LY6S: variants seen among roughly 807,000 people sequenced by gnomAD.
The protein encoded by LY6S is lymphocyte antigen 6 family member S.
At chr8:143,049,045 C>A in the LY6S span, among the ~76,000 whole-genome samples, 1 of 152,116 alleles carries the variant, frequency 6.6e-6, no homozygotes, top group Non-Finnish European at 1.5e-5. Context: ...TGGAGACTTC[C>A]AGCGCCCGTG....
the LY6S span, among the ~76,000 whole-genome samples, chr8:143,063,719 G>A: frequency 6.6e-6 from 1 of 152,190 alleles, no homozygotes; most frequent in Non-Finnish European, 1.5e-5. Flanking sequence ...TACAGTTTCT[G>A]GGTTTAAGAC....
At chr8:143,073,804 C>T in the LY6S span, among the ~76,000 whole-genome samples, 1 of 147,660 alleles carries the variant, frequency 6.8e-6, no homozygotes, top group African/African-American at 2.5e-5. Flanking sequence ...CAGCCGTCGT[C>T]CCCGGGGTCC....
the LY6S span, chr8:143,044,036 C>G: frequency 2.3e-6 from 1 of 427,944 alleles, no homozygotes; most frequent in Non-Finnish European, 4.7e-6. Context: ...GATGCAGCTC[C>G]GAGAGCTGAG....
At chr8:143,073,598 A>T in the LY6S span, among the ~76,000 whole-genome samples, 1 of 90,542 alleles carries the variant, frequency 1.1e-5, no homozygotes, top group Non-Finnish European at 2.0e-5. Flanking sequence ...GACAGCCATC[A>T]TCCTCATGGT....
At chr8:143,064,512 T>C in the LY6S span, among the ~76,000 whole-genome samples, 1 of 152,176 alleles carries the variant, frequency 6.6e-6, no homozygotes, top group Non-Finnish European at 1.5e-5. Context: ...AGTTTTTCGA[T>C]TGCAAGCTCC....
chr8:143,057,172 C>G, the LY6S span: 2 of 349,506 alleles, frequency 5.7e-6, no homozygotes, highest in Admixed American at 3.0e-5. Flanking sequence ...TTCCAACACC[C>G]CCTTTTTTCT....
chr8:143,054,612 C>G, the LY6S span, among the ~76,000 whole-genome samples: 1 of 152,212 alleles, frequency 6.6e-6, no homozygotes, highest in Non-Finnish European at 1.5e-5. Flanking sequence ...TCCCTCCACT[C>G]TGGAAGGGAC....
At chr8:143,046,039 G>A in the LY6S span, among the ~76,000 whole-genome samples, 1 of 152,048 alleles carries the variant, frequency 6.6e-6, no homozygotes. Context: ...TATTAGTAGA[G>A]ATGGGGTTTC....
chr8:143,049,128 T>C, the LY6S span: 2 of 533,532 alleles, frequency 3.7e-6, no homozygotes, highest in Admixed American at 3.9e-5. Flanking sequence ...CAAGGGGATG[T>C]CCCACACCCT....
the LY6S span, among the ~76,000 whole-genome samples, chr8:143,056,462 A>G: frequency 6.6e-6 from 1 of 152,114 alleles, no homozygotes; most frequent in Admixed American, 6.6e-5. Flanking sequence ...AATTCTGAGC[A>G]AACTGAAAGT....
At chr8:143,070,176 CT>C in the LY6S span, among the ~76,000 whole-genome samples, 40 of 151,584 alleles carry the variant, frequency 2.6e-4, no homozygotes, top group Admixed American at 1.4e-3. Context: ...CTCACCTCCT[CT>C]TATAAGGACA....
chr8:143,059,077 T>C, the LY6S span, among the ~76,000 whole-genome samples: 1 of 152,142 alleles, frequency 6.6e-6, no homozygotes, highest in African/African-American at 2.4e-5. Context: ...TATATTTTAT[T>C]ATACTGGAAC....
the LY6S span, chr8:143,044,308 C>T: frequency 7.0e-4 from 315 of 447,818 alleles, no homozygotes; most frequent in Non-Finnish European, 1.3e-3. Flanking sequence ...CAGCAGCTGG[C>T]GTTGGGAGGC....
the LY6S span, among the ~76,000 whole-genome samples, chr8:143,051,971 C>CAAAA: frequency 1.3e-5 from 1 of 78,266 alleles, no homozygotes. Context: ...GACTCTGTCT[C>CAAAA]AAAAAAAAAA....
the LY6S span, chr8:143,044,611 A>C: frequency 7.7e-7 from 1 of 1,297,922 alleles, no homozygotes; most frequent in South Asian, 1.3e-5. Flanking sequence ...ACCTTGGTCC[A>C]TCATGCAGCT....
chr8:143,072,325 G>C, the LY6S span, among the ~76,000 whole-genome samples: 12 of 134,734 alleles, frequency 8.9e-5, no homozygotes, highest in East Asian at 7.4e-4. Context: ...GCTCCTGTTA[G>C]AGAAGACAGC....
the LY6S span, among the ~76,000 whole-genome samples, chr8:143,073,637 C>T: frequency 7.6e-6 from 1 of 131,516 alleles, no homozygotes; most frequent in Non-Finnish European, 1.6e-5. Flanking sequence ...CCGTCATCCC[C>T]GGGGCTCCTG....
the LY6S span, among the ~76,000 whole-genome samples, chr8:143,052,097 C>G: frequency 1.3e-5 from 2 of 151,146 alleles, no homozygotes; most frequent in Non-Finnish European, 2.9e-5. Flanking sequence ...CTGGCTAACA[C>G]GGTGAAACCC....
chr8:143,072,786 C>T, the LY6S span, among the ~76,000 whole-genome samples: 64 of 56,630 alleles, frequency 1.1e-3, no homozygotes, highest in South Asian at 2.6e-3. Context: ...GCCGTCGTCC[C>T]CGGGGTCCCT....
Sources: allele counts gnomAD v4.1 joint callset (sites outside exome capture counted in the v4.1 genomes callset), GRCh38; gene constraint gnomAD v4.1.1; transcripts MANE v1.5; gene names NCBI Gene and HGNC (gene_info 2026-07-23, HGNC 2026-07-21).